The following ARHGAP24 variants were observed in gnomAD, a reference collection of about 807,000 sequenced individuals.
ARHGAP24 encodes the protein Rho GTPase activating protein 24, also known as rho GTPase-activating protein 24.
A neutral mutation model predicts 76.4 loss-of-function variants in ARHGAP24; 50 were observed. That is an observed-to-expected ratio of 0.65 (90% CI 0.52 to 0.83). ARHGAP24 has a LOEUF of 0.83. Ranked by LOEUF, ARHGAP24 falls within the 40% of genes least tolerant of loss-of-function variation. The pLI is 0.00. For synonymous variants in ARHGAP24, 345 were observed against 323.3 expected (o/e 1.07, Z -0.72); for missense variants, 930 against 914.2 (o/e 1.02, Z -0.22).
intron 3 of ARHGAP24, among the ~76,000 whole-genome samples, chr4:85,859,212 TAC>T (rs10645010): frequency 0.025 from 3,628 of 145,482 alleles, 58 homozygotes; most frequent in South Asian, 0.058. Context: ...GCCACATGCA[TAC>T]ACACACACAC....
At chr4:85,562,703 G>C (rs1442699529) in intron 1 of ARHGAP24, among the ~76,000 whole-genome samples, 1 of 152,120 alleles carries the variant, frequency 6.6e-6, no homozygotes, top group Non-Finnish European at 1.5e-5. Context: ...AAACTAGGAG[G>C]TGGTACTGAC....
At chr4:85,829,798 G>A (rs1274539030) in intron 3 of ARHGAP24, among the ~76,000 whole-genome samples, 2 of 152,142 alleles carry the variant, frequency 1.3e-5, no homozygotes, top group Admixed American at 6.5e-5. Flanking sequence ...GTTCAGATGT[G>A]GCATCCATGT....
intron 1 of ARHGAP24, among the ~76,000 whole-genome samples, chr4:85,544,568 T>A (rs1286405488): frequency 6.6e-6 from 1 of 152,186 alleles, no homozygotes. Context: ...TTGAGAAAGT[T>A]ACTTTAGCCT....
At chr4:85,568,381 G>A (rs1726933671) in intron 1 of ARHGAP24, among the ~76,000 whole-genome samples, 1 of 152,062 alleles carries the variant, frequency 6.6e-6, no homozygotes, top group South Asian at 2.1e-4. Flanking sequence ...ATAAATTAAG[G>A]TGTTTGGTCA....
rs1362141891 is a variant in ARHGAP24 at position 85,964,178 on chromosome 4, C to T, written c.600-7858C>T. On this transcript the variant is annotated intron_variant, in intron 5 of 9. Coordinates refer to ENST00000395184, the MANE Select transcript of ARHGAP24 (RefSeq NM_001025616.3). ...CTTCCCAGGTAATTCCAACATACTGCTCAGTCAGAGAATCACCAATCACTG... is the reference window on the plus strand; with the variant it reads ...CTTCCCAGGTAATTCCAACATACTGTTCAGTCAGAGAATCACCAATCACTG... Among the ~76,000 whole-genome samples the T allele has an allele frequency of 2.0e-5, 3 of 152,010 alleles. No individual in the cohort carries two copies. The East Asian group carries it at 5.8e-4, about 29-fold the overall frequency.
chr4:86,000,598 A>G lies in ARHGAP24; in HGVS notation c.2123A>G (p.Lys708Arg). 1.2e-6 allele frequency: 2 copies of G among 1,614,028 alleles called. No individual in the cohort carries two copies. The highest frequency in any genetic ancestry group is 4.5e-5 in the East Asian group (2 of 44,868). The stretch of plus-strand genomic sequence containing the variant: ...AAAATGCGAAATGCCGAGCGAGCAA[A>G]AGAAGATGCCGAGAAAAGAAATGAC... ...EIKMRNAERA[K>R]EDAEKRNDML... Residue 708 changes from lysine (K) to arginine (R), a missense_variant, in exon 10 of 10, where the codon AAA (lysine) becomes AGA (arginine). Lys to Arg is a conservative substitution (Grantham distance 26, BLOSUM62 2). Transcript: ENST00000395184.
chr4:85,866,131 G>A (rs115077412), intron 3 of ARHGAP24, among the ~76,000 whole-genome samples: 4 of 152,026 alleles, frequency 2.6e-5, no homozygotes, highest in Non-Finnish European at 5.9e-5. Flanking sequence ...ATATTGATTT[G>A]AGAAATAAAT....
At chr4:85,532,812 C>T (rs1273821663) in intron 1 of ARHGAP24, among the ~76,000 whole-genome samples, 1 of 152,168 alleles carries the variant, frequency 6.6e-6, no homozygotes, top group African/African-American at 2.4e-5. Flanking sequence ...ACAGCAAATC[C>T]TTAATGTATA....
intron 3 of ARHGAP24, among the ~76,000 whole-genome samples, chr4:85,737,651 A>G (rs978504340): frequency 4.6e-5 from 7 of 152,198 alleles, no homozygotes; most frequent in Non-Finnish European, 1.0e-4. Flanking sequence ...CAACTATTTG[A>G]ACCCTGGAGC....
intron 3 of ARHGAP24, among the ~76,000 whole-genome samples, chr4:85,727,564 G>A (rs1274228136): frequency 1.3e-5 from 2 of 152,126 alleles, no homozygotes; most frequent in African/African-American, 4.8e-5. Flanking sequence ...TCTACGGATG[G>A]AGTGCTTTCT....
intron 1 of ARHGAP24, among the ~76,000 whole-genome samples, chr4:85,508,114 T>C (rs1221596436): frequency 6.6e-6 from 1 of 152,060 alleles, no homozygotes; most frequent in African/African-American, 2.4e-5. Context: ...TTTCCAGATA[T>C]ATGGCCTCAG....
intron 1 of ARHGAP24, among the ~76,000 whole-genome samples, chr4:85,519,985 T>C (rs1724674613): frequency 1.3e-5 from 2 of 152,176 alleles, no homozygotes; most frequent in Admixed American, 6.6e-5. Context: ...CTTATTCCTC[T>C]CACCTTTCGT....
intron 3 of ARHGAP24, among the ~76,000 whole-genome samples, chr4:85,865,510 CAAT>C (rs1225030307): frequency 6.8e-6 from 1 of 146,054 alleles, no homozygotes; most frequent in Non-Finnish European, 1.5e-5. Context: ...AAATAAAAAA[CAAT>C]AAATAATTTT....
At chr4:85,792,470 C>T (rs1235761710) in intron 3 of ARHGAP24, among the ~76,000 whole-genome samples, 2 of 152,028 alleles carry the variant, frequency 1.3e-5, no homozygotes, top group Non-Finnish European at 2.9e-5. Context: ...GTTTCTTGGA[C>T]TATATTAGAA....
chr4:85,791,180 A>G (rs1728103386), intron 3 of ARHGAP24, among the ~76,000 whole-genome samples: 1 of 152,192 alleles, frequency 6.6e-6, no homozygotes, highest in South Asian at 2.1e-4. Flanking sequence ...CAGCTGCCTG[A>G]AAAAGTAGGT....
chr4:85,563,520 A>C (rs1041430381), intron 1 of ARHGAP24, among the ~76,000 whole-genome samples: 2 of 152,142 alleles, frequency 1.3e-5, no homozygotes, highest in African/African-American at 4.8e-5. Flanking sequence ...TTGGATCAGC[A>C]CCCCATCCTC....
rs75571221 is a variant in ARHGAP24, at chr4:85,997,532, G to A, written c.2003+1875G>A. 6.6e-5 allele frequency among the ~76,000 whole-genome samples: 10 copies of A among 152,234 alleles called. No individual in the cohort carries two copies. In the East Asian group the frequency reaches 1.7e-3, roughly 26 times the overall value. On this transcript the variant is annotated intron_variant, in intron 9 of 9. Transcript: ENST00000395184. ...AGGTAGGTAAATAGGTAGGGAGGTA[G>A]GTAGACAGATAGATAATATTTTACT...
Position 85,623,061 on chromosome 4 carries a change from C to G in ARHGAP24, c.180+52340C>G, listed in dbSNP as rs935203821. Among the ~76,000 whole-genome samples the G allele has an allele frequency of 7.2e-5, 11 of 152,112 alleles. No individual in the cohort carries two copies. The South Asian group carries it at 1.0e-3, about 14-fold the overall frequency. On this transcript the variant is annotated intron_variant, in intron 2 of 9. Coordinates refer to ENST00000395184, the MANE Select transcript of ARHGAP24 (RefSeq NM_001025616.3). ...ATTCTGTAGGTTGCCTGTTCACTCT[C>G]ATGTAGTTTCTTTTGCTGTGCAGAA...
rs975552061 is a variant in ARHGAP24, at chr4:85,999,965, A to G, written c.2004-514A>G. The stretch of plus-strand genomic sequence containing the variant: ...AGCTCATTACTTTGGGTACTCTTTT[A>G]TAAGATGGGACTCTATATGCTGCCA... On this transcript the variant is annotated intron_variant, in intron 9 of 9. Coordinates refer to ENST00000395184, the MANE Select transcript of ARHGAP24 (RefSeq NM_001025616.3). 9.5e-5 allele frequency: 15 copies of G among 157,550 alleles called. No individual in the cohort carries two copies. The East Asian group carries it at 2.4e-3, about 26-fold the overall frequency. The allele number at this position is 157,550 out of a possible 1,614,324, so 9.8% of individuals were successfully genotyped here.
Sources: gnomAD v4.1 joint callset for allele counts (sites outside exome capture counted in the v4.1 genomes callset) on GRCh38, gnomAD v4.1.1 for gene constraint, MANE v1.5 for transcripts, NCBI Gene and HGNC (gene_info 2026-07-23, HGNC 2026-07-21) for gene names.